The following USF3 variants were observed in gnomAD, a reference collection of about 807,000 sequenced individuals.
USF3 encodes basic helix-loop-helix domain-containing protein USF3.
In USF3, 29 loss-of-function variants were observed where a neutral mutation model predicts 157.5. That is an observed-to-expected ratio of 0.18 (90% CI 0.14 to 0.25). The LOEUF is 0.25. Ranked by LOEUF, USF3 falls within the 10% of genes least tolerant of loss-of-function variation. The pLI, the probability that USF3 is intolerant of heterozygous loss-of-function variation, is 1.00. For missense variants in USF3, 2,381 were observed against 2,667.6 expected, an observed-to-expected ratio of 0.89 and a Z score of 2.37; for synonymous variants, 893 against 941.4, an observed-to-expected ratio of 0.95 and a Z score of 0.94.
intron 1 of USF3, among the ~76,000 whole-genome samples, chr3:113,681,554 A>ATTTT (rs566594731): frequency 7.1e-5 from 9 of 127,050 alleles, no homozygotes; most frequent in African/African-American, 2.4e-4. Context: ...CGACTGGCTA[A>ATTTT]TTTTTTTTTT....
In USF3 at chr3:113,648,823, T is replaced by C. The variant is rs563303785; in HGVS notation, c.*6121A>G. ...GCTTCTCACCCAGTGTATCTATAAATAATTTGTGAAGGTAATTATGTTCTC... is the reference window on the plus strand; with the variant it reads ...GCTTCTCACCCAGTGTATCTATAAACAATTTGTGAAGGTAATTATGTTCTC... On this transcript the variant is annotated 3_prime_UTR_variant, in exon 7 of 7. Transcript: ENST00000316407. 1.1e-4 allele frequency: 17 copies of C among 152,632 alleles called. No individual in the cohort carries two copies. The East Asian group carries it at 3.3e-3, about 29-fold the overall frequency. 9.5% of individuals were successfully genotyped at this position (152,632 alleles called of 1,614,324 possible).
At chr3:113,693,239 C>T (rs1274078046) in intron 1 of USF3, among the ~76,000 whole-genome samples, 1 of 152,060 alleles carries the variant, frequency 6.6e-6, no homozygotes, top group Non-Finnish European at 1.5e-5. Flanking sequence ...GAACACATTT[C>T]CTATGTTAGT....
chr3:113,660,978 C>G lies in USF3; in HGVS notation c.704G>C (p.Ser235Thr), dbSNP rs1312339707. 6.2e-7 allele frequency: 1 copy of G among 1,614,010 alleles called. No individual in the cohort carries two copies. Among genetic ancestry groups the G allele is most frequent in the Admixed American group, 1.7e-5 (1 of 60,000 alleles). ...LCLPAAISAQ[S>T]ILELPTSESE... is the part of the protein sequence containing the mutation. ...TTCAGAGGTGGGAAGCTCGAGAATA[C>G]TCTGAGCAGAAATGGCAGCAGGAAG... is the stretch of plus-strand genomic sequence containing the variant. Residue 235 changes from serine to threonine, a missense_variant, in exon 7 of 7, where the codon AGT becomes ACT. Coordinates refer to ENST00000316407, the MANE Select transcript of USF3 (RefSeq NM_001009899.4).
chr3:113,695,077 T>C (rs1296067252), intron 1 of USF3, among the ~76,000 whole-genome samples: 1 of 152,212 alleles, frequency 6.6e-6, no homozygotes, highest in Non-Finnish European at 1.5e-5. Flanking sequence ...CGAACTTGTC[T>C]TCTTGTCTTG....
rs571319349 is a variant in USF3, at chr3:113,655,382, C to T, written c.6300G>A (p.Pro2100=). Residue 2100 remains proline (P), a synonymous_variant, in exon 7 of 7, where the codon CCG becomes CCA. Transcript: ENST00000316407. The part of the protein sequence containing the change: ...PSATRTPALI[P]VDPQNTLPSF... Reference sequence around the variant, plus strand: ...AGGGCAGAGTATTTTGCGGATCTACCGGGATGAGGGCTGGAGTTCGAGTGG... The same window carrying T: ...AGGGCAGAGTATTTTGCGGATCTACTGGGATGAGGGCTGGAGTTCGAGTGG... The T allele has an allele frequency of 2.0e-5, 33 of 1,613,804 alleles. No individual in the cohort carries two copies. The Middle Eastern group carries it at 6.6e-4, about 32-fold the overall frequency.
At chr3:113,690,353 C>A (rs577057633) in intron 1 of USF3, among the ~76,000 whole-genome samples, 2 of 152,276 alleles carry the variant, frequency 1.3e-5, no homozygotes, top group South Asian at 4.1e-4. Flanking sequence ...GGATTTTATA[C>A]CCCAATGTCT....
At chr3:113,684,968 G>C (rs1707515899) in intron 1 of USF3, among the ~76,000 whole-genome samples, 1 of 152,054 alleles carries the variant, frequency 6.6e-6, no homozygotes, top group South Asian at 2.1e-4. Flanking sequence ...TGTTTTGTCT[G>C]GCTTGTTTGT....
chr3:113,666,157 C>T (rs1372605610), intron 5 of USF3, among the ~76,000 whole-genome samples: 1 of 150,906 alleles, frequency 6.6e-6, no homozygotes, highest in Non-Finnish European at 1.5e-5. Context: ...GCACTCCAGC[C>T]TGGGCAACAG....
Position 113,650,119 on chromosome 3 carries a change from A to G in USF3, c.*4825T>C. On this transcript the variant is annotated 3_prime_UTR_variant, in exon 7 of 7. Coordinates refer to ENST00000316407, the MANE Select transcript of USF3 (RefSeq NM_001009899.4). Reference sequence around the variant, plus strand: ...CTACCTCCAGGCAAAGGTAGCATTTATATAGACAACAAAATTACAAAAATG... The same window carrying G: ...CTACCTCCAGGCAAAGGTAGCATTTGTATAGACAACAAAATTACAAAAATG... The G allele has an allele frequency of 2.1e-6, 1 of 475,702 alleles. No individual in the cohort carries two copies. The highest frequency in any genetic ancestry group is 3.7e-6 in the Non-Finnish European group (1 of 267,614). The allele number at this position is 475,702 out of a possible 1,614,324, so 29.5% of individuals were successfully genotyped here.
chr3:113,679,828 C>T (rs1275086123), intron 1 of USF3, among the ~76,000 whole-genome samples: 1 of 152,054 alleles, frequency 6.6e-6, no homozygotes, highest in Non-Finnish European at 1.5e-5. Flanking sequence ...ATTGGGAATT[C>T]TTTTGTGTAA....
rs767871136 is a variant in USF3 at position 113,660,128 on chromosome 3, C to T, written c.1554G>A (p.Gln518=). The change falls in exon 7 of 7, where the codon CAG becomes CAA. Residue 518 remains glutamine (Q), a synonymous_variant. Coordinates refer to ENST00000316407, the MANE Select transcript of USF3 (RefSeq NM_001009899.4). The part of the protein sequence containing the change: ...PLIAQPQVKS[Q]PPKNILPLNS... ...TCAGTGGAAGGATATTTTTGGGAGG[C>T]TGAGATTTAACTTGTGGCTGGGCAA... is the stretch of plus-strand genomic sequence containing the variant. 2 of 1,614,172 alleles carry T rather than the reference C, an allele frequency of 1.2e-6. No individual in the cohort carries two copies. Among genetic ancestry groups the T allele is most frequent in the South Asian group, 2.2e-5 (2 of 91,080 alleles).
intron 2 of USF3, among the ~76,000 whole-genome samples, chr3:113,676,826 T>C (rs1425309800): frequency 2.0e-5 from 3 of 152,156 alleles, no homozygotes; most frequent in Non-Finnish European, 2.9e-5. Flanking sequence ...TTGGGCAAGT[T>C]ACATGACCCT....
rs566594731 is a variant in USF3, at chr3:113,681,554, A to AT, written c.-134-4158dup. Among the ~76,000 whole-genome samples the AT allele has an allele frequency of 2.5e-3, 319 of 127,038 alleles. 3 individuals are homozygous for AT. The highest frequency in any genetic ancestry group is 9.3e-3 in the Middle Eastern group (2 of 214). 83.3% of individuals were successfully genotyped at this position (127,038 alleles called of 152,430 possible). A position where few individuals can be genotyped will look rare whatever the true frequency, so the allele number is the denominator to read the frequency against. On this transcript the variant is annotated intron_variant, in intron 1 of 6. Coordinates refer to ENST00000316407, the MANE Select transcript of USF3 (RefSeq NM_001009899.4). ...ATTATTTCACCACCACGACTGGCTA[A>AT]TTTTTTTTTTTTTTTTTTTGTATTT...
chr3:113,665,139 G>A (rs1291598055), intron 5 of USF3, among the ~76,000 whole-genome samples: 3 of 152,194 alleles, frequency 2.0e-5, no homozygotes, highest in African/African-American at 7.2e-5. Flanking sequence ...GGAAGTGAAA[G>A]GAAGCAGGCC....
chr3:113,675,437 C>A (rs1707260050), intron 2 of USF3, among the ~76,000 whole-genome samples: 1 of 152,200 alleles, frequency 6.6e-6, no homozygotes, highest in African/African-American at 2.4e-5. Context: ...CTCATATTAT[C>A]ATTTGACTGT....
chr3:113,661,339 T>A lies in USF3; in HGVS notation c.343A>T (p.Ile115Leu). Residue 115 changes from isoleucine (I) to leucine (L), a missense_variant, in exon 7 of 7, where the codon ATA (isoleucine) becomes TTA (leucine). Physicochemically the swap from Ile to Leu is conservative, Grantham distance 5 (BLOSUM62 2). This residue lies in a region of USF3 where 105 missense variants were observed against 158.6 expected (regional missense o/e 0.66). Coordinates refer to ENST00000316407, the MANE Select transcript of USF3 (RefSeq NM_001009899.4). ...RYIELLKAND[I>L]CLYDDPTIHW... ...ATTGTCGGGTCATCATATAAGCATA[T>A]GTCATTAGCTTTCAGTAATTCAATA... is the stretch of plus-strand genomic sequence containing the variant. The A allele has an allele frequency of 6.2e-7, 1 of 1,611,524 alleles. No homozygotes were observed. Among genetic ancestry groups the A allele is most frequent in the East Asian group, 2.2e-5 (1 of 44,870 alleles).
At chr3:113,695,683 A>C (rs1707782059) in intron 1 of USF3, among the ~76,000 whole-genome samples, 1 of 152,234 alleles carries the variant, frequency 6.6e-6, no homozygotes, top group African/African-American at 2.4e-5. Flanking sequence ...TCCCAATGTA[A>C]CGAGGAGGGT....
chr3:113,677,648 T>A (rs934818174), intron 1 of USF3, among the ~76,000 whole-genome samples: 2 of 152,174 alleles, frequency 1.3e-5, no homozygotes, highest in African/African-American at 4.8e-5. Context: ...AAGAGGGGAT[T>A]CTCTGTTTTC....
rs138863952 is a variant in USF3, at chr3:113,658,238, C to T, written c.3444G>A (p.Lys1148=). The change falls in exon 7 of 7, where the codon AAG becomes AAA. Residue 1148 remains lysine, a synonymous_variant. Transcript: ENST00000316407. ...RAIFDQENLE[K]GRVGLQADIR... ...TATCAGCCTGGAGGCCAACTCTCCCCTTCTCAAGGTTCTCCTGGTCAAAAA... is the reference window on the plus strand; with the variant it reads ...TATCAGCCTGGAGGCCAACTCTCCCTTTCTCAAGGTTCTCCTGGTCAAAAA... 9 of 1,614,140 alleles carry T rather than the reference C, an allele frequency of 5.6e-6. No homozygotes were observed. Among genetic ancestry groups the T allele is most frequent in the African/African-American group, 1.3e-5 (1 of 75,036 alleles).
Sources: gnomAD v4.1 joint callset for allele counts (sites outside exome capture counted in the v4.1 genomes callset) on GRCh38, gnomAD v4.1.1 for gene constraint, gnomAD v4.1.1 regional missense constraint, MANE v1.5 for transcripts, NCBI Gene and HGNC (gene_info 2026-07-23, HGNC 2026-07-21) for gene names.